KIAA0825: variants seen among roughly 807,000 people sequenced by gnomAD.
KIAA0825 encodes the protein uncharacterized protein KIAA0825.
In KIAA0825, 119 loss-of-function variants were observed where a neutral mutation model predicts 147.6. The observed-to-expected ratio is 0.81, with a 90% CI of 0.69 to 0.94. The LOEUF is 0.94. Among genes scored for constraint, KIAA0825 ranks in the 40% least tolerant of loss-of-function variants. The pLI, the probability that KIAA0825 is intolerant of heterozygous loss-of-function variation, is 0.00. For synonymous variants in KIAA0825, 470 were observed against 518.1 expected, an observed-to-expected ratio of 0.91 and a Z score of 1.26; for missense variants, 1,381 against 1,472.7, an observed-to-expected ratio of 0.94 and a Z score of 1.02.
intron 4 of KIAA0825, 77 bp downstream of exon 4, chr5:94,523,853 T>C: frequency 2.1e-6 from 2 of 974,632 alleles, no homozygotes; most frequent in Non-Finnish European, 2.9e-6. Flanking sequence ...CAAATAAATA[T>C]TTACGTATAG....
intron 20 of KIAA0825, among the ~76,000 whole-genome samples, chr5:94,182,629 A>G (rs1424480420): frequency 6.6e-6 from 1 of 151,838 alleles, no homozygotes; most frequent in Non-Finnish European, 1.5e-5. Context: ...TTCTTCCCCT[A>G]AGCAAGTACT....
At chr5:94,243,648 T>C (rs1265990143) in intron 20 of KIAA0825, among the ~76,000 whole-genome samples, 1 of 152,186 alleles carries the variant, frequency 6.6e-6, no homozygotes, top group Non-Finnish European at 1.5e-5. Context: ...TCACATCTCC[T>C]AGGTCCATAA....
chr5:94,384,903 A>C (rs2150527984), intron 19 of KIAA0825, among the ~76,000 whole-genome samples: 1 of 152,320 alleles, frequency 6.6e-6, no homozygotes, highest in East Asian at 1.9e-4. Flanking sequence ...GATACAGCTT[A>C]ATTAGAGTGT....
chr5:94,454,492 C>G (rs1439702478), intron 12 of KIAA0825, among the ~76,000 whole-genome samples: 1 of 152,058 alleles, frequency 6.6e-6, no homozygotes, highest in East Asian at 1.9e-4. Context: ...CTTTAAAAGG[C>G]TTTTTTTCTC....
intron 20 of KIAA0825, among the ~76,000 whole-genome samples, chr5:94,272,828 C>T (rs556135958): frequency 6.6e-6 from 1 of 152,294 alleles, no homozygotes; most frequent in African/African-American, 2.4e-5. Flanking sequence ...GAACCAATCA[C>T]AGATGCCAGG....
intron 9 of KIAA0825, among the ~76,000 whole-genome samples, chr5:94,470,609 G>T (rs1010394276): frequency 2.0e-5 from 3 of 152,086 alleles, no homozygotes; most frequent in Admixed American, 6.5e-5. Flanking sequence ...TAAATAAAAT[G>T]ATTTCTGGCA....
At chr5:94,224,884 G>A (rs886336580) in intron 20 of KIAA0825, among the ~76,000 whole-genome samples, 1 of 152,026 alleles carries the variant, frequency 6.6e-6, no homozygotes, top group Non-Finnish European at 1.5e-5. Flanking sequence ...TATCTGCCTA[G>A]GAAAGTCCTG....
rs1440460695 is a variant in KIAA0825 at position 94,247,306 on chromosome 5, T to C, written c.3711-93182A>G. 3.9e-5 allele frequency among the ~76,000 whole-genome samples: 6 copies of C among 152,134 alleles called. No individual in the cohort carries two copies. The East Asian group carries it at 1.2e-3, about 29-fold the overall frequency. ...AGAACATACTACTTTTGACCGGTAATGAATGAGCATAAAACGTTTAAACAA... is the reference window on the plus strand; with the variant it reads ...AGAACATACTACTTTTGACCGGTAACGAATGAGCATAAAACGTTTAAACAA... On this transcript the variant is annotated intron_variant, in intron 20 of 20. Transcript: ENST00000682413.
In KIAA0825 at chr5:94,542,970, C is replaced by G. The variant is rs117674113; in HGVS notation, c.-1-5843G>C. ...AAGCCAATAAAAGCCTTTTGGAGAACTGGCCTCATACCTTGTCTACACAGT... is the reference window on the plus strand; with the variant it reads ...AAGCCAATAAAAGCCTTTTGGAGAAGTGGCCTCATACCTTGTCTACACAGT... On this transcript the variant is annotated intron_variant, in intron 2 of 20. Coordinates refer to ENST00000682413, the MANE Select transcript of KIAA0825 (RefSeq NM_001145678.3). 2.4e-3 allele frequency among the ~76,000 whole-genome samples: 360 copies of G among 152,064 alleles called. 6 individuals are homozygous for G. The highest frequency in any genetic ancestry group is 0.023 in the East Asian group (121 of 5,156).
chr5:94,204,848 C>T (rs1772010194), intron 20 of KIAA0825, among the ~76,000 whole-genome samples: 1 of 152,110 alleles, frequency 6.6e-6, no homozygotes, highest in South Asian at 2.1e-4. Flanking sequence ...TCTTTCCAGA[C>T]ACCTGTAATA....
At chr5:94,277,810 C>G (rs566728882) in intron 20 of KIAA0825, among the ~76,000 whole-genome samples, 4 of 152,238 alleles carry the variant, frequency 2.6e-5, no homozygotes, top group African/African-American at 7.2e-5. Context: ...AAGACACATG[C>G]ACATGGATGT....
chr5:94,494,453 C>T (rs1373920337), intron 5 of KIAA0825, among the ~76,000 whole-genome samples: 2 of 149,940 alleles, frequency 1.3e-5, no homozygotes, highest in Admixed American at 1.3e-4. Flanking sequence ...AAACTGAGAA[C>T]TGTATTCAGG....
At chr5:94,564,996 C>G (rs1778372189) in intron 2 of KIAA0825, among the ~76,000 whole-genome samples, 1 of 127,514 alleles carries the variant, frequency 7.8e-6, no homozygotes, top group Non-Finnish European at 1.7e-5. Context: ...CTCTTCTCCT[C>G]TCTCTCTCTC....
chr5:94,551,404 G>A (rs559319368), intron 2 of KIAA0825, among the ~76,000 whole-genome samples: 37 of 152,034 alleles, frequency 2.4e-4, no homozygotes, highest in Non-Finnish European at 4.3e-4. Context: ...GATCCTCCCT[G>A]AGGCATATAG....
At chr5:94,496,144 A>C (rs1402436052) in intron 5 of KIAA0825, among the ~76,000 whole-genome samples, 1 of 152,198 alleles carries the variant, frequency 6.6e-6, no homozygotes, top group Non-Finnish European at 1.5e-5. Flanking sequence ...TCACGGGGCA[A>C]ATCTGGCCCA....
intron 20 of KIAA0825, among the ~76,000 whole-genome samples, chr5:94,365,799 A>G (rs775754743): frequency 6.6e-6 from 1 of 152,244 alleles, no homozygotes; most frequent in Admixed American, 6.5e-5. Context: ...TACAGGACTA[A>G]CAAATTAGCT....
chr5:94,549,172 T>C (rs1285543005), intron 2 of KIAA0825, among the ~76,000 whole-genome samples: 1 of 152,114 alleles, frequency 6.6e-6, no homozygotes, highest in African/African-American at 2.4e-5. Context: ...AGATCATTCT[T>C]AAGGAAAGAC....
At position 94,439,995 on chromosome 5, in the gene KIAA0825, C is replaced by G. The variant is rs757692342; in HGVS notation, c.2484G>C (p.Leu828Phe). 1 of 1,551,638 alleles carries G rather than the reference C, an allele frequency of 6.4e-7. No homozygotes were observed. The highest frequency in any genetic ancestry group is 1.2e-5 in the South Asian group (1 of 84,022). ...LHHDGLLLRI[L>F]LKSSKQVSDT... ...ACACATACTCACTTGAGCTCTTCAG[C>G]AAGATTCTCAGTAAAAGTCCATCAT... The change falls in exon 14 of 21, where the codon TTG becomes TTC. Residue 828 changes from leucine (L) to phenylalanine (F), a missense_variant. Leu to Phe is a conservative substitution (Grantham distance 22, BLOSUM62 0). Transcript: ENST00000682413.
chr5:94,337,848 C>G (rs1440356411), intron 20 of KIAA0825, among the ~76,000 whole-genome samples: 3 of 152,180 alleles, frequency 2.0e-5, no homozygotes, highest in Non-Finnish European at 4.4e-5. Flanking sequence ...AGATTTCATT[C>G]TAAGTGCTTT....
Sources: gnomAD v4.1 joint callset for allele counts (sites outside exome capture counted in the v4.1 genomes callset) on GRCh38, gnomAD v4.1.1 for gene constraint, MANE v1.5 for transcripts, NCBI Gene and HGNC (gene_info 2026-07-23, HGNC 2026-07-21) for gene names.